Variants in BAZ2B observed in about 807,000 individuals in gnomAD.
BAZ2B encodes bromodomain adjacent to zinc finger domain 2B.
BAZ2B carries 91 observed loss-of-function variants against 246.0 expected under a neutral mutation model. The observed-to-expected ratio is 0.37, with a 90% CI of 0.31 to 0.44. The LOEUF (loss-of-function observed/expected upper bound fraction) is 0.44, where lower values mean the gene tolerates loss of function less well. Among genes scored for constraint, BAZ2B ranks in the 20% least tolerant of loss-of-function variants. The probability of loss-of-function intolerance (pLI) is 1.00; values close to 1 mark genes in which losing one functional copy is unlikely to be tolerated. For missense variants in BAZ2B, 2,332 were observed against 2,533.7 expected, an observed-to-expected ratio of 0.92 and a Z score of 1.71; for synonymous variants, 855 against 860.0, an observed-to-expected ratio of 0.99 and a Z score of 0.10.
At chr2:159,419,813 T>A (rs562076968) in intron 13 of BAZ2B, 3 of 152,356 alleles carry the variant, frequency 2.0e-5, no homozygotes, top group Admixed American at 2.0e-4. Flanking sequence ...TCCGGACTTA[T>A]AGATTTCTGG....
intron 2 of BAZ2B, among the ~76,000 whole-genome samples, chr2:159,486,961 A>G (rs1172558180): frequency 6.6e-6 from 1 of 152,142 alleles, no homozygotes; most frequent in Non-Finnish European, 1.5e-5. Flanking sequence ...AGGAAGATAT[A>G]TTCATATACT....
chr2:159,372,820 A>G (rs1367195084), intron 27 of BAZ2B, among the ~76,000 whole-genome samples: 2 of 152,232 alleles, frequency 1.3e-5, no homozygotes, highest in Admixed American at 1.3e-4. Flanking sequence ...AGAAAGAAAG[A>G]ACAGCTTATG....
chr2:159,407,010 T>A (rs983857181), intron 14 of BAZ2B, among the ~76,000 whole-genome samples: 1 of 151,884 alleles, frequency 6.6e-6, no homozygotes, highest in Non-Finnish European at 1.5e-5. Context: ...TGCCTCGGCC[T>A]CCCAAAGTGC....
chr2:159,695,577 C>A, the BAZ2B span, among the ~76,000 whole-genome samples: 9,396 of 152,056 alleles, frequency 0.062, 396 homozygotes, highest in Middle Eastern at 0.12. Flanking sequence ...AGGTAGGGGT[C>A]CAACTTCATT....
chr2:159,667,339 T>C, the BAZ2B span, among the ~76,000 whole-genome samples: 13 of 152,044 alleles, frequency 8.6e-5, no homozygotes, highest in Non-Finnish European at 1.8e-4. Flanking sequence ...CTAACACCCA[T>C]AATCCCAGCA....
chr2:159,384,874 A>T (rs527575824), intron 23 of BAZ2B, among the ~76,000 whole-genome samples: 1 of 152,296 alleles, frequency 6.6e-6, no homozygotes, highest in Non-Finnish European at 1.5e-5. Context: ...ATATAAAAAA[A>T]GTTATGTATA....
chr2:159,324,707 C>G (rs2063216611), intron 36 of BAZ2B, 104 bp downstream of exon 36: 1 of 584,154 alleles, frequency 1.7e-6, no homozygotes, highest in Admixed American at 5.1e-5. Flanking sequence ...AAAGGCAGGG[C>G]CTATATCTTG....
the BAZ2B span, among the ~76,000 whole-genome samples, chr2:159,687,136 A>G: frequency 1.3e-5 from 2 of 151,928 alleles, no homozygotes; most frequent in Non-Finnish European, 2.9e-5. Context: ...AACTTGCTGT[A>G]CTATTTTTTT....
At chr2:159,634,015 C>T in the BAZ2B span, among the ~76,000 whole-genome samples, 1 of 152,164 alleles carries the variant, frequency 6.6e-6, no homozygotes, top group Non-Finnish European at 1.5e-5. Flanking sequence ...GCTGGGATTA[C>T]AGGTGTGAGC....
intron 3 of BAZ2B, among the ~76,000 whole-genome samples, chr2:159,454,828 G>A (rs963885085): frequency 6.6e-6 from 1 of 152,146 alleles, no homozygotes; most frequent in African/African-American, 2.4e-5. Context: ...GTAAGACAAT[G>A]TTCAATTCAA....
chr2:159,635,807 T>C, the BAZ2B span, among the ~76,000 whole-genome samples: 1 of 152,156 alleles, frequency 6.6e-6, no homozygotes, highest in Non-Finnish European at 1.5e-5. Flanking sequence ...ATAATAATGG[T>C]CCATAATGGC....
At position 159,319,458 on chromosome 2, in the gene BAZ2B, A is replaced by C. The variant is rs2148703798; in HGVS notation, c.*807T>G. ...CTGTACAGACTGTATAGCTATCATTACCTTCAGACGAAAATAAAATGCTAC... is the reference window on the plus strand; with the variant it reads ...CTGTACAGACTGTATAGCTATCATTCCCTTCAGACGAAAATAAAATGCTAC... On this transcript the variant is annotated 3_prime_UTR_variant, in exon 37 of 37. Transcript: ENST00000392783. The surrounding 1 kb of genome is among the most constrained non-coding windows in gnomAD (Gnocchi z 4.0). 6.5e-6 allele frequency: 1 copy of C among 152,772 alleles called. No homozygotes were observed. The highest frequency in any genetic ancestry group is 2.4e-5 in the African/African-American group (1 of 41,580). 9.5% of individuals were successfully genotyped at this position (152,772 alleles called of 1,614,324 possible).
At chr2:159,457,827 T>C (rs183195387) in intron 3 of BAZ2B, among the ~76,000 whole-genome samples, 1 of 152,262 alleles carries the variant, frequency 6.6e-6, no homozygotes, top group East Asian at 1.9e-4. Flanking sequence ...AAAGGAAACG[T>C]CCTATACCTG....
the BAZ2B span, among the ~76,000 whole-genome samples, chr2:159,709,021 C>A: frequency 6.6e-6 from 1 of 151,756 alleles, no homozygotes; most frequent in Non-Finnish European, 1.5e-5. Flanking sequence ...GGCACTAAAT[C>A]GAGAGTTTAT....
chr2:159,427,804 C>A, intron 13 of BAZ2B, 137 bp downstream of exon 13: 1 of 604,506 alleles, frequency 1.7e-6, no homozygotes, highest in South Asian at 2.5e-5. Flanking sequence ...TTAATGAGTG[C>A]TTACCACAAA....
chr2:159,495,038 T>C (rs976929135), intron 2 of BAZ2B, among the ~76,000 whole-genome samples: 5 of 152,132 alleles, frequency 3.3e-5, no homozygotes, highest in African/African-American at 7.2e-5. Context: ...GGGTGGCCTT[T>C]TCAGGGGCCA....
intron 2 of BAZ2B, 138 bp from the exon 3 acceptor site, chr2:159,478,859 A>G (rs2078930848): frequency 3.5e-6 from 2 of 575,000 alleles, no homozygotes; most frequent in Admixed American, 8.5e-5. Context: ...GAAAATATGG[A>G]GTAGATAAAA....
the BAZ2B span, chr2:159,689,327 A>G: frequency 2.7e-6 from 1 of 366,336 alleles, no homozygotes; most frequent in South Asian, 2.7e-5. Flanking sequence ...AAGCTCCATG[A>G]GTTTTCCCAA....
chr2:159,457,971 T>C (rs969992808), intron 3 of BAZ2B, among the ~76,000 whole-genome samples: 4 of 152,208 alleles, frequency 2.6e-5, no homozygotes, highest in African/African-American at 9.6e-5. Flanking sequence ...GTTTTCATTC[T>C]CAACCTCTTA....
Sources: gnomAD v4.1 joint callset for allele counts (sites outside exome capture counted in the v4.1 genomes callset) on GRCh38, gnomAD v4.1.1 for gene constraint, Gnocchi (gnomAD v3.1) non-coding constraint, MANE v1.5 for transcripts, NCBI Gene and HGNC (gene_info 2026-07-23, HGNC 2026-07-21) for gene names.